KIF25: variants seen among roughly 807,000 people sequenced by gnomAD.
The protein encoded by KIF25 is kinesin-like protein KIF25.
In KIF25, 19 loss-of-function variants were observed where a neutral mutation model predicts 32.9. The ratio of observed to expected loss-of-function variants is 0.58; its 90% CI spans 0.40 to 0.85. The LOEUF is 0.85. Ranked by LOEUF, KIF25 falls within the 40% of genes least tolerant of loss-of-function variation. The pLI is 0.00. For synonymous variants in KIF25, 225 were observed against 213.7 expected, an observed-to-expected ratio of 1.05 and a Z score of -0.46; for missense variants, 485 against 507.0, an observed-to-expected ratio of 0.96 and a Z score of 0.42.
chr6:168,029,714 C>T, intron 6 of KIF25, 37 bp downstream of exon 6: 1 of 1,590,738 alleles, frequency 6.3e-7, no homozygotes, highest in Non-Finnish European at 8.5e-7. Context: ...AGGCCTGGGT[C>T]TGGAGCCGGG....
At chr6:168,044,623 G>A (rs932850182) in intron 12 of KIF25, among the ~76,000 whole-genome samples, 4 of 150,624 alleles carry the variant, frequency 2.7e-5, no homozygotes, top group African/African-American at 9.8e-5. Flanking sequence ...TGACCCTCCC[G>A]GACCCGGGTG....
At chr6:168,032,345 C>G (rs75443983) in intron 7 of KIF25, among the ~76,000 whole-genome samples, 1,807 of 152,342 alleles carry the variant, frequency 0.012, 41 homozygotes, top group African/African-American at 0.041. Context: ...GGTTGAAAGA[C>G]TCCTGTAAGA....
chr6:168,040,061 G>A lies in KIF25; in HGVS notation c.495-4G>A, dbSNP rs760405682. On this transcript the variant is annotated splice_polypyrimidine_tract_variant and splice_region_variant and intron_variant, in intron 9 of 12. Coordinates refer to ENST00000643607, the MANE Select transcript of KIF25 (RefSeq NM_030615.4). ...GTGTTCCCCACTGCTTGCCTTGTCT[G>A]TAGGGCTGTCGGCAGCGCCTCGAAA... 3.4e-5 allele frequency: 55 copies of A among 1,610,544 alleles called. No individual in the cohort carries two copies. The highest frequency in any genetic ancestry group is 2.2e-4 in the South Asian group (20 of 90,920).
At chr6:168,006,007 G>C (rs960129530) in intron 4 of KIF25, among the ~76,000 whole-genome samples, 1 of 152,220 alleles carries the variant, frequency 6.6e-6, no homozygotes, top group Non-Finnish European at 1.5e-5. Context: ...GCTCTCATGG[G>C]AGGGTCAGGT....
chr6:168,038,458 G>C, intron 8 of KIF25, 95 bp from the exon 9 acceptor site: 4 of 1,270,118 alleles, frequency 3.1e-6, no homozygotes, highest in Non-Finnish European at 4.5e-6. Context: ...CAGTCTTACT[G>C]AGCATCCTGT....
chr6:168,014,778 T>A (rs965426832), intron 4 of KIF25, among the ~76,000 whole-genome samples: 14 of 152,228 alleles, frequency 9.2e-5, no homozygotes, highest in Admixed American at 4.6e-4. Context: ...TAAAGGCTAT[T>A]TATTTTCATT....
At chr6:168,026,375 T>G (rs1798861048) in intron 5 of KIF25, among the ~76,000 whole-genome samples, 1 of 152,206 alleles carries the variant, frequency 6.6e-6, no homozygotes, top group Non-Finnish European at 1.5e-5. Flanking sequence ...TTTGTGCAAC[T>G]TGCTGTCTAT....
At chr6:168,006,233 G>A (rs1428182933) in intron 4 of KIF25, among the ~76,000 whole-genome samples, 2 of 151,734 alleles carry the variant, frequency 1.3e-5, no homozygotes, top group African/African-American at 4.8e-5. Flanking sequence ...AGCGATGGGG[G>A]GGTCTCACTA....
At chr6:168,015,650 T>A (rs1196158889) in intron 4 of KIF25, among the ~76,000 whole-genome samples, 2 of 152,212 alleles carry the variant, frequency 1.3e-5, no homozygotes, top group Non-Finnish European at 2.9e-5. Context: ...GAAAGTTGTT[T>A]AAAAAGCCAA....
chr6:168,044,481 G>A (rs1270672634), intron 12 of KIF25, among the ~76,000 whole-genome samples: 1 of 145,480 alleles, frequency 6.9e-6, no homozygotes, highest in Non-Finnish European at 1.5e-5. Context: ...GCTAGTGACC[G>A]GCTGCTGACC....
chr6:168,018,656 A>G (rs1798747709), intron 5 of KIF25, among the ~76,000 whole-genome samples: 2 of 152,156 alleles, frequency 1.3e-5, no homozygotes, highest in African/African-American at 2.4e-5. Context: ...GTGTATTCCC[A>G]GGGTGGTAGG....
chr6:168,042,057 G>A lies in KIF25; in HGVS notation c.735G>A (p.Leu245=). The stretch of plus-strand genomic sequence containing the variant: ...GCCGCAGAGCTTCTCAAGGGGCCTT[G>A]GCTCCACAGCTGGTTCCTGGGAACC... ...GRSRRASQGA[L]APQLVPGNPA... is the part of the protein sequence containing the mutation. The change falls in exon 11 of 13, where the codon TTG becomes TTA. Residue 245 remains leucine, a synonymous_variant. Transcript: ENST00000643607. 5.8e-6 allele frequency: 9 copies of A among 1,551,350 alleles called. No homozygotes were observed. Among genetic ancestry groups the A allele is most frequent in the Non-Finnish European group, 7.8e-6 (9 of 1,147,196 alleles).
rs1378346453 is a variant in KIF25, at chr6:167,998,678, A to G, written c.-791A>G. 1 of 152,098 alleles carries G rather than the reference A, an allele frequency of 6.6e-6. No individual in the cohort carries two copies. Among genetic ancestry groups the G allele is most frequent in the Non-Finnish European group, 1.5e-5 (1 of 68,022 alleles). 9.4% of individuals were successfully genotyped at this position (152,098 alleles called of 1,614,324 possible). A position where few individuals can be genotyped will look rare whatever the true frequency, so the allele number is the denominator to read the frequency against. ...CGAGCCCAGGATGCCATTCAAAGGG[A>G]TTTTCCTTGGTACTTATTACCAAGG... On this transcript the variant is annotated 5_prime_UTR_variant, in exon 1 of 13. Transcript: ENST00000643607.
At chr6:168,044,191 CT>C (rs1315679148) in intron 12 of KIF25, among the ~76,000 whole-genome samples, 1 of 150,634 alleles carries the variant, frequency 6.6e-6, no homozygotes, top group African/African-American at 2.4e-5. Flanking sequence ...TAGTGACCGG[CT>C]GCTGACCCTT....
chr6:168,005,088 C>T lies in KIF25; in HGVS notation c.-163+1385C>T, dbSNP rs909072576. Among the ~76,000 whole-genome samples, 6 of 152,054 alleles carry T rather than the reference C, an allele frequency of 3.9e-5. No individual in the cohort carries two copies. In the South Asian group the frequency reaches 6.2e-4, roughly 16 times the overall value. On this transcript the variant is annotated intron_variant, in intron 4 of 12. Coordinates refer to ENST00000643607, the MANE Select transcript of KIF25 (RefSeq NM_030615.4). Reference sequence around the variant, plus strand: ...GTCCTGGTTTGGAGCCTGGTGTGCACGAGCCACCTGTCACAGGCGAGCTTG... The same window carrying T: ...GTCCTGGTTTGGAGCCTGGTGTGCATGAGCCACCTGTCACAGGCGAGCTTG...
At chr6:168,002,180 G>C (rs1355497211) in intron 2 of KIF25, among the ~76,000 whole-genome samples, 1 of 89,630 alleles carries the variant, frequency 1.1e-5, no homozygotes, top group East Asian at 2.9e-4. Context: ...GAAGACACCT[G>C]AGGCGTGGCC....
chr6:168,044,567 G>A (rs940335040), intron 12 of KIF25, among the ~76,000 whole-genome samples: 5 of 145,316 alleles, frequency 3.4e-5, no homozygotes, highest in African/African-American at 7.7e-5. Context: ...GCTAGTGACC[G>A]GCTGCTGACC....
In KIF25 at chr6:168,021,143, G is replaced by C. The variant is rs116181444; in HGVS notation, c.-95+3103G>C. Among the ~76,000 whole-genome samples, 447 of 152,304 alleles carry C rather than the reference G, an allele frequency of 2.9e-3. 3 individuals are homozygous for C. The highest frequency in any genetic ancestry group is 0.01 in the African/African-American group (433 of 41,568). On this transcript the variant is annotated intron_variant, in intron 5 of 12. Coordinates refer to ENST00000643607, the MANE Select transcript of KIF25 (RefSeq NM_030615.4). ...GACACATCATCAATGGAACGGAGAA[G>C]AGTTCAGAAATAAACCCACACAGAT... is the stretch of plus-strand genomic sequence containing the variant.
rs1799067580 is a variant in KIF25, at chr6:168,038,681, T to C, written c.446T>C (p.Val149Ala). Residue 149 changes from valine to alanine, a missense_variant, in exon 9 of 13, where the codon GTG becomes GCG. Coordinates refer to ENST00000643607, the MANE Select transcript of KIF25 (RefSeq NM_030615.4). ...GCAGTGTCGGGGGTCAAGCGTGAGG[T>C]GGTGACAGCCAAGGATGGACGGACA... Reference protein sequence around the residue: ...IAAVSGVKREVVTAKDGRTEV... With the variant: ...IAAVSGVKREAVTAKDGRTEV... 1.2e-6 allele frequency: 2 copies of C among 1,613,958 alleles called. No homozygotes were observed. The highest frequency in any genetic ancestry group is 2.7e-5 in the African/African-American group (2 of 74,900).
Sources: gnomAD v4.1 joint callset for allele counts (sites outside exome capture counted in the v4.1 genomes callset) on GRCh38, gnomAD v4.1.1 for gene constraint, MANE v1.5 for transcripts, NCBI Gene and HGNC (gene_info 2026-07-23, HGNC 2026-07-21) for gene names.